SDK1: variants seen among roughly 807,000 people sequenced by gnomAD.
The protein encoded by SDK1 is sidekick cell adhesion molecule 1.
SDK1 carries 157 observed loss-of-function variants against 245.5 expected under a neutral mutation model. The ratio of observed to expected loss-of-function variants is 0.64; its 90% CI spans 0.56 to 0.73. SDK1 has a LOEUF of 0.73. Ranked by LOEUF, SDK1 falls within the 30% of genes least tolerant of loss-of-function variation. The pLI is 0.00. For missense variants in SDK1, 3,583 were observed against 3,002.3 expected (o/e 1.19, Z -4.52); for synonymous variants, 1,647 against 1,278.5 (o/e 1.29, Z -6.15).
In SDK1 at chr7:3,644,797, A is replaced by AAAAAAAAAC. The variant is rs1554301839; in HGVS notation, c.713+2694_713+2695insAAAAAACAA. 2.6e-4 allele frequency among the ~76,000 whole-genome samples: 34 copies of AAAAAAAAAC among 131,636 alleles called. 1 individual carries two copies. The highest frequency in any genetic ancestry group is 5.5e-4 in the South Asian group (2 of 3,640). 86.4% of individuals were successfully genotyped at this position (131,636 alleles called of 152,430 possible). A position where few individuals can be genotyped will look rare whatever the true frequency, so the allele number is the denominator to read the frequency against. ...CCAAAAAAAAAAAAAAAAAAACAAA[A>AAAAAAAAAC]AACAACAACAACGGCGGGGCAGGGG... On this transcript the variant is annotated intron_variant, in intron 4 of 44. Coordinates refer to ENST00000404826, the MANE Select transcript of SDK1 (RefSeq NM_152744.4).
intron 25 of SDK1, among the ~76,000 whole-genome samples, chr7:4,121,993 G>A (rs1002154532): frequency 2.0e-5 from 3 of 152,114 alleles, no homozygotes; most frequent in African/African-American, 7.2e-5. Context: ...TCAGATTCTG[G>A]ACATGTTGAA....
chr7:4,054,567 C>T (rs2342496), intron 19 of SDK1, among the ~76,000 whole-genome samples: 38,793 of 152,010 alleles, frequency 0.26, 7,464 homozygotes, highest in African/African-American at 0.55. Context: ...CCTTTATAGC[C>T]ACACCCACCT....
chr7:3,913,573 G>C (rs975941164), intron 5 of SDK1, among the ~76,000 whole-genome samples: 1 of 152,030 alleles, frequency 6.6e-6, no homozygotes, highest in Non-Finnish European at 1.5e-5. Context: ...CATTACAGGC[G>C]TGAGCCACCG....
intron 14 of SDK1, among the ~76,000 whole-genome samples, chr7:3,999,469 G>T (rs773103487): frequency 6.6e-6 from 1 of 152,238 alleles, no homozygotes; most frequent in South Asian, 2.1e-4. Flanking sequence ...GTCAGGGAAG[G>T]GGGGTTCCCT....
chr7:3,447,853 C>G (rs1033796182), intron 1 of SDK1, among the ~76,000 whole-genome samples: 1 of 151,762 alleles, frequency 6.6e-6, no homozygotes, highest in South Asian at 2.1e-4. Context: ...TATAAGCATG[C>G]GCCACCATGC....
intron 17 of SDK1, among the ~76,000 whole-genome samples, chr7:4,023,622 C>T (rs766782447): frequency 3.3e-5 from 5 of 152,236 alleles, no homozygotes; most frequent in South Asian, 2.1e-4. Flanking sequence ...TGTGTATAAC[C>T]GAGTGCCCAG....
At chr7:4,178,249 C>T (rs2128218944) in intron 34 of SDK1, among the ~76,000 whole-genome samples, 1 of 152,324 alleles carries the variant, frequency 6.6e-6, no homozygotes, top group East Asian at 1.9e-4. Context: ...TGCCTCTTAC[C>T]TGAACACAGG....
chr7:4,029,699 A>T (rs899349972), intron 17 of SDK1, among the ~76,000 whole-genome samples: 6 of 152,038 alleles, frequency 3.9e-5, no homozygotes, highest in African/African-American at 1.4e-4. Context: ...TTGGAGGGTG[A>T]CCTCAACAAA....
chr7:4,065,908 C>G lies in SDK1; in HGVS notation c.2912-1930C>G, dbSNP rs533255894. On this transcript the variant is annotated intron_variant, in intron 19 of 44. Transcript: ENST00000404826. ...CTTCTCTGTAGGAATCCTGGATACT[C>G]TTTCAGGACAACTGACACCCTTGAC... Among the ~76,000 whole-genome samples the G allele has an allele frequency of 3.3e-5, 5 of 152,052 alleles. No homozygotes were observed. In the South Asian group the frequency reaches 1.0e-3, roughly 32 times the overall value.
intron 1 of SDK1, among the ~76,000 whole-genome samples, chr7:3,513,925 C>T (rs1478542790): frequency 1.3e-5 from 2 of 152,136 alleles, no homozygotes; most frequent in African/African-American, 4.8e-5. Flanking sequence ...AGGATAGTGG[C>T]CTCTAGCTGC....
chr7:3,392,452 T>C (rs992320656), intron 1 of SDK1, among the ~76,000 whole-genome samples: 22 of 152,166 alleles, frequency 1.4e-4, no homozygotes, highest in African/African-American at 5.3e-4. Context: ...GTAAAATATA[T>C]ATACACACAT....
chr7:3,484,757 G>T (rs182933168), intron 1 of SDK1, among the ~76,000 whole-genome samples: 2 of 152,222 alleles, frequency 1.3e-5, no homozygotes, highest in East Asian at 3.9e-4. Context: ...TGAGAACATG[G>T]GATATTTGTC....
intron 1 of SDK1, among the ~76,000 whole-genome samples, chr7:3,592,600 T>C (rs544446747): frequency 6.6e-6 from 1 of 152,316 alleles, no homozygotes; most frequent in South Asian, 2.1e-4. Context: ...TTTTACCCTC[T>C]GTTTACTTAT....
At chr7:4,104,458 T>C (rs760542335) in intron 22 of SDK1, among the ~76,000 whole-genome samples, 1 of 152,244 alleles carries the variant, frequency 6.6e-6, no homozygotes, top group Non-Finnish European at 1.5e-5. Context: ...CTCTGTGAAG[T>C]TGGATGCTAC....
chr7:4,221,097 C>T lies in SDK1; in HGVS notation c.5702-142C>T, dbSNP rs1231946707. On this transcript the variant is annotated intron_variant, in intron 39 of 44. Transcript: ENST00000404826. Reference sequence around the variant, plus strand: ...GCCTCCCTGTTATTAAGATGAAAAACCCTGGGTGCGTGAGGTTAAGTAACC... The same window carrying T: ...GCCTCCCTGTTATTAAGATGAAAAATCCTGGGTGCGTGAGGTTAAGTAACC... 1.7e-5 allele frequency: 16 copies of T among 969,250 alleles called. 1 individual carries two copies. Among genetic ancestry groups the T allele is most frequent in the Admixed American group, 1.7e-4 (6 of 36,350 alleles). The allele number at this position is 969,250 out of a possible 1,614,324, so 60.0% of individuals were successfully genotyped here.
At chr7:4,253,990 T>C (rs1316591623) in intron 44 of SDK1, among the ~76,000 whole-genome samples, 5 of 152,170 alleles carry the variant, frequency 3.3e-5, no homozygotes, top group African/African-American at 4.8e-5. Flanking sequence ...TATTTTTGGA[T>C]ATTTTTGTTA....
chr7:3,721,241 T>G (rs781296037), intron 4 of SDK1, among the ~76,000 whole-genome samples: 11 of 152,140 alleles, frequency 7.2e-5, no homozygotes, highest in Non-Finnish European at 1.5e-4. Context: ...TAGAGTGTAT[T>G]TACACCCATC....
intron 1 of SDK1, among the ~76,000 whole-genome samples, chr7:3,425,033 G>A (rs577059182): frequency 2.0e-5 from 3 of 151,434 alleles, no homozygotes; most frequent in African/African-American, 4.8e-5. Context: ...AATCAATATC[G>A]TTACCACATT....
At chr7:3,656,061 A>G (rs944123501) in intron 4 of SDK1, among the ~76,000 whole-genome samples, 1 of 152,208 alleles carries the variant, frequency 6.6e-6, no homozygotes, top group Non-Finnish European at 1.5e-5. Context: ...CCAATTGTCT[A>G]CATGAGCACA....
Sources: gnomAD v4.1 joint callset for allele counts (sites outside exome capture counted in the v4.1 genomes callset) on GRCh38, gnomAD v4.1.1 for gene constraint, MANE v1.5 for transcripts, NCBI Gene and HGNC (gene_info 2026-07-23, HGNC 2026-07-21) for gene names.